ATAD3A: variants seen among roughly 807,000 people sequenced by gnomAD.
ATAD3A encodes ATPase family AAA domain-containing protein 3A.
Under a neutral mutation model 73.8 loss-of-function variants are expected in ATAD3A, and 46 were observed. The ratio of observed to expected loss-of-function variants is 0.62; its 90% CI spans 0.49 to 0.80. The LOEUF (loss-of-function observed/expected upper bound fraction) is 0.80, where lower values mean the gene tolerates loss of function less well. ATAD3A is among the 30% of genes least tolerant of loss of function. The pLI, the probability that ATAD3A is intolerant of heterozygous loss-of-function variation, is 0.00. For synonymous variants in ATAD3A, 319 were observed against 350.0 expected (o/e 0.91, Z 0.99); for missense variants, 705 against 838.0 (o/e 0.84, Z 1.96).
chr1:1,533,114 G>A (rs1642090776), intron 15 of ATAD3A, among the ~76,000 whole-genome samples: 1 of 152,168 alleles, frequency 6.6e-6, no homozygotes. Context: ...CCTGCACCCC[G>A]TGAGATGAAT....
intron 12 of ATAD3A, among the ~76,000 whole-genome samples, chr1:1,526,177 C>G (rs532411989): frequency 6.6e-6 from 1 of 152,062 alleles, no homozygotes; most frequent in South Asian, 2.1e-4. Flanking sequence ...TGCGCCACCA[C>G]GCCTGGCTAA....
At chr1:1,531,733 G>A (rs370392590) in intron 15 of ATAD3A, among the ~76,000 whole-genome samples, 28 of 151,840 alleles carry the variant, frequency 1.8e-4, no homozygotes, top group Non-Finnish European at 2.8e-4. Context: ...AGCCGAGATC[G>A]CACCACTGCA....
chr1:1,518,997 T>C lies in ATAD3A; in HGVS notation c.514+7T>C. The C allele has an allele frequency of 3.7e-6, 6 of 1,614,116 alleles. No homozygotes were observed. In the East Asian group the frequency reaches 6.7e-5, roughly 18 times the overall value. On this transcript the variant is annotated splice_region_variant and intron_variant, in intron 5 of 15. Transcript: ENST00000378756. ...CAGGAAGCCATGCGGCGAGGTAGGC[T>C]GTCTGCTCTCCTGGCTGGGGCGGAG...
chr1:1,513,434 G>A (rs1641260984), intron 1 of ATAD3A, among the ~76,000 whole-genome samples: 1 of 151,210 alleles, frequency 6.6e-6, no homozygotes, highest in Admixed American at 6.6e-5. Flanking sequence ...GCAGACCTGT[G>A]CCTCTGAGTT....
chr1:1,519,046 C>T (rs560930213), intron 5 of ATAD3A, 56 bp downstream of exon 5: 41 of 1,613,296 alleles, frequency 2.5e-5, no homozygotes, highest in South Asian at 2.0e-4. Context: ...CTTGTGGACC[C>T]GGCGTGCACT....
At position 1,534,380 on chromosome 1, in the gene ATAD3A, T is replaced by C. The variant is rs1432330131; in HGVS notation, c.*308T>C. 4 of 1,354,378 alleles carry C rather than the reference T, an allele frequency of 3.0e-6. No individual in the cohort carries two copies. The African/African-American group carries it at 5.9e-5, about 20-fold the overall frequency. 83.9% of individuals were successfully genotyped at this position (1,354,378 alleles called of 1,614,324 possible). A position where few individuals can be genotyped will look rare whatever the true frequency, so the allele number is the denominator to read the frequency against. ...GCACCCCAGCCCCTGCCCAGGCCACTGTGAGGGTGGGTGCTGGCTGAGCCC... is the reference window on the plus strand; with the variant it reads ...GCACCCCAGCCCCTGCCCAGGCCACCGTGAGGGTGGGTGCTGGCTGAGCCC... On this transcript the variant is annotated 3_prime_UTR_variant, in exon 16 of 16. Transcript: ENST00000378756.
rs1247939880 is a variant in ATAD3A, at chr1:1,520,851, C to A, written c.750+234C>A. ...GTGAGACCCCATCTCTACAAAAAAT[C>A]AAATATTAGCTGGGTGTGGTGGCAG... On this transcript the variant is annotated intron_variant, in intron 7 of 15. Coordinates refer to ENST00000378756, the MANE Select transcript of ATAD3A (RefSeq NM_001170535.3). The surrounding 1 kb of genome is among the most constrained non-coding windows in gnomAD (Gnocchi z 4.0). Among the ~76,000 whole-genome samples, 2 of 151,812 alleles carry A rather than the reference C, an allele frequency of 1.3e-5. No individual in the cohort carries two copies. Among genetic ancestry groups the A allele is most frequent in the African/African-American group, 2.4e-5 (1 of 41,342 alleles).
At chr1:1,529,763 C>T (rs1047236592) in intron 15 of ATAD3A, among the ~76,000 whole-genome samples, 10 of 152,210 alleles carry the variant, frequency 6.6e-5, no homozygotes, top group African/African-American at 2.4e-4. Flanking sequence ...TCCTGCTTGA[C>T]ACATGGGTGG....
chr1:1,516,507 G>C lies in ATAD3A; in HGVS notation c.282+419G>C, dbSNP rs141627726. Among the ~76,000 whole-genome samples, 521 of 152,230 alleles carry C rather than the reference G, an allele frequency of 3.4e-3. 2 individuals are homozygous for C. Among genetic ancestry groups the C allele is most frequent in the African/African-American group, 0.012 (486 of 41,532 alleles). On this transcript the variant is annotated intron_variant, in intron 2 of 15. Coordinates refer to ENST00000378756, the MANE Select transcript of ATAD3A (RefSeq NM_001170535.3). ...GGGCTCACTGCAACCTCCGCTCCTG[G>C]GTTCAAGCAATTCTCCTGCCTCAGC...
chr1:1,531,375 C>T (rs1242859208), intron 15 of ATAD3A, among the ~76,000 whole-genome samples: 8 of 151,906 alleles, frequency 5.3e-5, no homozygotes, highest in African/African-American at 7.3e-5. Context: ...CACTTGAACC[C>T]GGGAGGCGGA....
At position 1,517,079 on chromosome 1, in the gene ATAD3A, C is replaced by T. The variant is rs1379184776; in HGVS notation, c.283-232C>T. ...GTGCAGTCCAAAAGGGGGTGTCCGG[C>T]CTCCCTCCCGGGGGGCCTTCGCGGG... On this transcript the variant is annotated intron_variant, in intron 2 of 15. Transcript: ENST00000378756. The T allele has an allele frequency of 2.0e-6, 3 of 1,515,590 alleles. No individual in the cohort carries two copies. The African/African-American group carries it at 4.2e-5, about 21-fold the overall frequency. The allele number at this position is 1,515,590 out of a possible 1,614,324, so 93.9% of individuals were successfully genotyped here.
At chr1:1,525,603 A>T (rs1302066400) in intron 12 of ATAD3A, among the ~76,000 whole-genome samples, 2 of 151,826 alleles carry the variant, frequency 1.3e-5, no homozygotes, top group Non-Finnish European at 2.9e-5. Context: ...TTTAGCAGAG[A>T]CGGGGTTTCA....
intron 14 of ATAD3A, among the ~76,000 whole-genome samples, chr1:1,528,532 C>T (rs971845442): frequency 6.6e-6 from 1 of 151,916 alleles, no homozygotes; most frequent in South Asian, 2.1e-4. Context: ...TCTTGCTGCT[C>T]ACGTGCCTTG....
chr1:1,531,392 A>C (rs1642027603), intron 15 of ATAD3A, among the ~76,000 whole-genome samples: 1 of 151,892 alleles, frequency 6.6e-6, no homozygotes, highest in Non-Finnish European at 1.5e-5. Flanking sequence ...CGGAGGTTGC[A>C]AAGAGCCGAG....
At chr1:1,518,871 A>T (rs751774142) in intron 4 of ATAD3A, 50 bp from the exon 5 acceptor site, 1 of 1,613,908 alleles carries the variant, frequency 6.2e-7, no homozygotes, top group East Asian at 2.2e-5. Context: ...ACACATGGGC[A>T]CAGTCACAGG....
At chr1:1,518,668 C>CGT (rs1641471647) in intron 4 of ATAD3A, among the ~76,000 whole-genome samples, 1 of 73,444 alleles carries the variant, frequency 1.4e-5, no homozygotes, top group Non-Finnish European at 2.5e-5. Context: ...CGCACGGGTA[C>CGT]ACACACACAC....
At position 1,525,241 on chromosome 1, in the gene ATAD3A, C is replaced by T; in HGVS notation, c.1216C>T (p.Leu406Phe). Residue 406 changes from leucine to phenylalanine, a missense_variant and splice_region_variant, in exon 12 of 16, where the codon CTC becomes TTC. Coordinates refer to ENST00000378756, the MANE Select transcript of ATAD3A (RefSeq NM_001170535.3). Reference protein sequence around the residue: ...FDWANTSRRGLLLFVDEADAF... With the variant: ...FDWANTSRRGFLLFVDEADAF... ...GCTTGGCCTCCCTCTCGTTCACAGC[C>T]TCCTGCTCTTTGTGGATGAAGCGGA... is the stretch of plus-strand genomic sequence containing the variant. 6.2e-7 allele frequency: 1 copy of T among 1,613,932 alleles called. No individual in the cohort carries two copies. The highest frequency in any genetic ancestry group is 1.3e-5 in the African/African-American group (1 of 75,020).
chr1:1,513,796 C>T (rs555061255), intron 1 of ATAD3A, among the ~76,000 whole-genome samples: 5 of 152,262 alleles, frequency 3.3e-5, no homozygotes, highest in Admixed American at 2.6e-4. Context: ...TGCCCCTTTC[C>T]TGGCAGCGGG....
intron 13 of ATAD3A, 22 bp from the exon 14 acceptor site, chr1:1,527,673 C>A (rs1641895754): frequency 1.3e-6 from 2 of 1,597,634 alleles, no homozygotes; most frequent in South Asian, 1.1e-5. Context: ...CCAGCATCCT[C>A]ATCCTCATCC....
Sources: allele counts gnomAD v4.1 joint callset (sites outside exome capture counted in the v4.1 genomes callset), GRCh38; gene constraint gnomAD v4.1.1; non-coding constraint Gnocchi (gnomAD v3.1); transcripts MANE v1.5; gene names NCBI Gene and HGNC (gene_info 2026-07-23, HGNC 2026-07-21).